SLC25A30: variants seen among roughly 807,000 people sequenced by gnomAD.
The protein encoded by SLC25A30 is kidney mitochondrial carrier protein 1.
In SLC25A30, 29 loss-of-function variants were observed where a neutral mutation model predicts 42.7. The observed-to-expected ratio is 0.68, with a 90% CI of 0.51 to 0.93. SLC25A30 has a LOEUF of 0.93. Ranked by LOEUF, SLC25A30 falls within the 40% of genes least tolerant of loss-of-function variation. The pLI is 0.00. For synonymous variants in SLC25A30, 124 were observed against 131.0 expected (o/e 0.95, Z 0.37); for missense variants, 300 against 359.7 (o/e 0.83, Z 1.34).
the SLC25A30 span, among the ~76,000 whole-genome samples, chr13:45,424,122 T>C: frequency 1.1e-5 from 1 of 89,660 alleles, no homozygotes; most frequent in Non-Finnish European, 1.9e-5. Context: ...TATAAATATA[T>C]ATAAATATAT....
At chr13:45,424,405 A>G in the SLC25A30 span, among the ~76,000 whole-genome samples, 1 of 71,822 alleles carries the variant, frequency 1.4e-5, no homozygotes, top group Non-Finnish European at 2.4e-5. Context: ...ATAAATATAT[A>G]AAAATATATA....
At chr13:45,425,417 T>C in the SLC25A30 span, among the ~76,000 whole-genome samples, 1 of 112,872 alleles carries the variant, frequency 8.9e-6, no homozygotes, top group Non-Finnish European at 1.6e-5. Context: ...TATAAATATA[T>C]AAGTATATAT....
At chr13:45,397,963 T>C (rs1414378094) in intron 8 of SLC25A30, 1 of 985,270 alleles carries the variant, frequency 1.0e-6, no homozygotes, top group Non-Finnish European at 1.2e-6. Context: ...AGGTCACAAA[T>C]AAAGAAGCAA....
At chr13:45,403,629 G>T (rs576243002) in intron 5 of SLC25A30, among the ~76,000 whole-genome samples, 112 of 152,128 alleles carry the variant, frequency 7.4e-4, no homozygotes, top group Non-Finnish European at 1.2e-3. Context: ...TGTATTTCCT[G>T]AAATAAAATT....
the SLC25A30 span, among the ~76,000 whole-genome samples, chr13:45,423,880 A>AAAT: frequency 1.4e-5 from 1 of 69,554 alleles, no homozygotes; most frequent in Non-Finnish European, 2.6e-5. Flanking sequence ...AAAATATATA[A>AAAT]AAATATATAT....
rs115742054 is a variant in SLC25A30, at chr13:45,397,064, A to G, written c.834+194T>C. On this transcript the variant is annotated intron_variant, in intron 9 of 9. Coordinates refer to ENST00000519676, the MANE Select transcript of SLC25A30 (RefSeq NM_001010875.4). ...ACTACTTTTGAATAATACCACCATCAAAGCAAGATTCAGTGTCTAGCACGG... is the reference window on the plus strand; with the variant it reads ...ACTACTTTTGAATAATACCACCATCGAAGCAAGATTCAGTGTCTAGCACGG... 1.2e-3 allele frequency: 646 copies of G among 556,076 alleles called. 2 individuals carry two copies. Among genetic ancestry groups the G allele is most frequent in the African/African-American group, 0.011 (590 of 51,914 alleles). The allele number at this position is 556,076 out of a possible 1,614,324, so 34.4% of individuals were successfully genotyped here.
chr13:45,402,431 A>T, intron 5 of SLC25A30, 61 bp from the exon 6 acceptor site: 1 of 1,301,018 alleles, frequency 7.7e-7, no homozygotes, highest in Non-Finnish European at 1.1e-6. Flanking sequence ...CCCACAACCA[A>T]TGTATACCTC....
At chr13:45,406,318 G>T (rs753867880) in intron 3 of SLC25A30, among the ~76,000 whole-genome samples, 1 of 151,912 alleles carries the variant, frequency 6.6e-6, no homozygotes, top group Non-Finnish European at 1.5e-5. Flanking sequence ...CCTGACCTCA[G>T]GCCTCGGCCT....
At chr13:45,418,984 A>AG (rs1454879397), upstream of SLC25A30, among the ~76,000 whole-genome samples, 6 of 122,944 alleles carry the variant, frequency 4.9e-5, no homozygotes, top group Non-Finnish European at 6.6e-5. Flanking sequence ...AAAAAAAAAA[A>AG]GCCAGACCTG....
In SLC25A30 at chr13:45,417,974, G is replaced by A. The variant is rs376568085; in HGVS notation, c.-56+326C>T. ...AAGCCCGGGGCTCGTTAGCAGACGC[G>A]GAGATGCCAGGACGGGCTTCGCACT... is the stretch of plus-strand genomic sequence containing the variant. On this transcript the variant is annotated intron_variant, in intron 1 of 9. Coordinates refer to ENST00000519676, the MANE Select transcript of SLC25A30 (RefSeq NM_001010875.4). Among the ~76,000 whole-genome samples, 244 of 152,302 alleles carry A rather than the reference G, an allele frequency of 1.6e-3. 3 individuals carry two copies. The highest frequency in any genetic ancestry group is 5.4e-3 in the African/African-American group (224 of 41,586).
chr13:45,406,091 T>G, intron 3 of SLC25A30, 114 bp from the exon 4 acceptor site: 1 of 930,210 alleles, frequency 1.1e-6, no homozygotes, highest in Admixed American at 2.5e-5. Flanking sequence ...TAAAACAATT[T>G]TTTTTTTTTG....
Position 45,394,629 on chromosome 13 carries a change from T to G in SLC25A30, c.*1345A>C, listed in dbSNP as rs1881180460. 2 of 984,328 alleles carry G rather than the reference T, an allele frequency of 2.0e-6. No individual in the cohort carries two copies. Among genetic ancestry groups the G allele is most frequent in the South Asian group, 4.7e-5 (1 of 21,236 alleles). The allele number at this position is 984,328 out of a possible 1,614,324, so 61.0% of individuals were successfully genotyped here. ...ATCTTTTATTTTGAAAAGACTAAGATGAAGACAAGAAGGAAGAGGGCTCTT... is the reference window on the plus strand; with the variant it reads ...ATCTTTTATTTTGAAAAGACTAAGAGGAAGACAAGAAGGAAGAGGGCTCTT... On this transcript the variant is annotated 3_prime_UTR_variant, in exon 10 of 10. Transcript: ENST00000519676.
At position 45,399,096 on chromosome 13, in the gene SLC25A30, GA is replaced by G. The variant is rs11330086; in HGVS notation, c.615-19del. The G allele has an allele frequency of 0.2, 231,484 of 1,150,172 alleles. 1,979 individuals are homozygous for G. The highest frequency in any genetic ancestry group is 0.24 in the Middle Eastern group (1,025 of 4,360). The allele number at this position is 1,150,172 out of a possible 1,614,324, so 71.2% of individuals were successfully genotyped here. On this transcript the variant is annotated intron_variant, in intron 7 of 9. Transcript: ENST00000519676. ...AGCTTGAGCTATAAAGACACCATTG[GA>G]AAAAAAAAAAAAAGTTAACCATCAC...
chr13:45,396,400 G>A, intron 9 of SLC25A30: 1 of 1,006,814 alleles, frequency 9.9e-7, no homozygotes, highest in Non-Finnish European at 1.2e-6. Flanking sequence ...ATCCTTCCTT[G>A]GGAGGCAGGA....
At chr13:45,422,939 TA>T (rs1278245738), upstream of SLC25A30, among the ~76,000 whole-genome samples, 5 of 152,130 alleles carry the variant, frequency 3.3e-5, no homozygotes, top group Non-Finnish European at 5.9e-5. Flanking sequence ...TCCTAATCAC[TA>T]AAAACTGGGT....
chr13:45,413,802 C>T (rs1883240108), intron 1 of SLC25A30, among the ~76,000 whole-genome samples: 1 of 152,174 alleles, frequency 6.6e-6, no homozygotes, highest in Non-Finnish European at 1.5e-5. Flanking sequence ...ATCCACCTGC[C>T]TTGGCCTCCC....
At position 45,395,917 on chromosome 13, in the gene SLC25A30, C is replaced by A. The variant is rs1881272315; in HGVS notation, c.*57G>T. 6.2e-7 allele frequency: 1 copy of A among 1,614,034 alleles called. No individual in the cohort carries two copies. The highest frequency in any genetic ancestry group is 8.5e-7 in the Non-Finnish European group (1 of 1,179,992). ...GAGAAGCAGAGTGAAACACAGGAAG[C>A]TTTGCTGTTTCAGAAGTTACCATTT... On this transcript the variant is annotated 3_prime_UTR_variant, in exon 10 of 10. Transcript: ENST00000519676.
At chr13:45,419,654 G>T (rs563390172), upstream of SLC25A30, among the ~76,000 whole-genome samples, 201 of 151,462 alleles carry the variant, frequency 1.3e-3, no homozygotes, top group African/African-American at 4.7e-3. Flanking sequence ...CTGGGGCCGG[G>T]CTCAGTGGCT....
At chr13:45,423,804 AT>A in the SLC25A30 span, among the ~76,000 whole-genome samples, 11 of 65,416 alleles carry the variant, frequency 1.7e-4, 1 homozygote, top group African/African-American at 6.6e-4. Context: ...ATATATATTT[AT>A]ATATATAAAA....
Sources: gnomAD v4.1 joint callset for allele counts (sites outside exome capture counted in the v4.1 genomes callset) on GRCh38, gnomAD v4.1.1 for gene constraint, MANE v1.5 for transcripts, NCBI Gene and HGNC (gene_info 2026-07-23, HGNC 2026-07-21) for gene names.